Variants in MCF2 observed in about 807,000 individuals in gnomAD.
MCF2 encodes the protein proto-oncogene DBL.
In MCF2, 44 loss-of-function variants were observed where a neutral mutation model predicts 82.5. The ratio of observed to expected loss-of-function variants is 0.53; its 90% CI spans 0.42 to 0.69. MCF2 has a LOEUF of 0.69. Ranked by LOEUF, MCF2 falls within the 30% of genes least tolerant of loss-of-function variation. The pLI is 0.00. For synonymous variants in MCF2, 217 were observed against 224.9 expected, an observed-to-expected ratio of 0.96 and a Z score of 0.32; for missense variants, 623 against 663.1, an observed-to-expected ratio of 0.94 and a Z score of 0.66.
At chrX:139,686,070 T>TAAA (rs3058305) in intron 1 of MCF2, among the ~76,000 whole-genome samples, 1 of 99,908 alleles carries the variant, frequency 1.0e-5, no homozygotes, top group African/African-American at 3.7e-5. Context: ...CCCTTCACGT[T>TAAA]AAAAAAAAAA....
chrX:139,671,595 G>C (rs1271022471), intron 1 of MCF2, among the ~76,000 whole-genome samples: 6 of 111,289 alleles, frequency 5.4e-5, no homozygotes, highest in Non-Finnish European at 1.1e-4. Flanking sequence ...TCTTGTTTTT[G>C]TCAGGTTTGT....
chrX:139,701,790 T>G (rs757893281), intron 1 of MCF2, among the ~76,000 whole-genome samples: 1 of 112,824 alleles, frequency 8.9e-6, no homozygotes, highest in South Asian at 3.7e-4. Flanking sequence ...CATAAGATTC[T>G]ACATATACAT....
At chrX:139,618,622 A>G (rs1227745031) in intron 7 of MCF2, among the ~76,000 whole-genome samples, 1 of 111,428 alleles carries the variant, frequency 9.0e-6, no homozygotes, top group African/African-American at 3.3e-5. Flanking sequence ...ACAGATCTAC[A>G]AGCATAATTC....
intron 1 of MCF2, among the ~76,000 whole-genome samples, chrX:139,690,086 A>G (rs1935222046): frequency 8.9e-6 from 1 of 111,961 alleles, no homozygotes; most frequent in Non-Finnish European, 1.9e-5. Flanking sequence ...GCAAATGCTG[A>G]AAAGGTACAA....
intron 7 of MCF2, among the ~76,000 whole-genome samples, chrX:139,618,822 T>G (rs1398891032): frequency 2.7e-5 from 3 of 111,540 alleles, no homozygotes; most frequent in Admixed American, 1.9e-4. Context: ...AGTCCAAAAT[T>G]TAAGACTAGC....
At chrX:139,690,497 T>C (rs1050743912) in intron 1 of MCF2, among the ~76,000 whole-genome samples, 5 of 110,257 alleles carry the variant, frequency 4.5e-5, no homozygotes, top group Admixed American at 2.9e-4. Context: ...CCGGAACTAG[T>C]TTGTGCCCCA....
At chrX:139,586,329 A>G in intron 23 of MCF2, 49 bp downstream of exon 27, 1 of 947,284 alleles carries the variant, frequency 1.1e-6, no homozygotes, top group South Asian at 2.0e-5. Context: ...ATACGAGGTA[A>G]AAATTTGCAC....
intron 16 of MCF2, among the ~76,000 whole-genome samples, chrX:139,598,952 C>T (rs1489460400): frequency 9.1e-6 from 1 of 110,298 alleles, no homozygotes; most frequent in African/African-American, 3.3e-5. Flanking sequence ...CAAGAAAAAG[C>T]CATCATCAAC....
chrX:139,648,733 G>T (rs1490942841), intron 2 of MCF2, among the ~76,000 whole-genome samples: 1 of 112,150 alleles, frequency 8.9e-6, no homozygotes, highest in African/African-American at 3.2e-5. Flanking sequence ...TACCATGACA[G>T]TGCTAATCAA....
Position 139,662,255 on chromosome X carries a change from T to C in MCF2, c.-44-10467A>G, listed in dbSNP as rs185844083. Among the ~76,000 whole-genome samples the C allele has an allele frequency of 4.5e-5, 5 of 110,466 alleles. No homozygotes were observed. In the East Asian group the frequency reaches 1.4e-3, roughly 31 times the overall value. ...CAATCCATGTTCATATCTTGGAATATAATACTATTGAAGTAGCAATACTCC... is the reference window on the plus strand; with the variant it reads ...CAATCCATGTTCATATCTTGGAATACAATACTATTGAAGTAGCAATACTCC... On this transcript the variant is annotated intron_variant, in intron 1 of 27. Transcript: ENST00000414978.
chrX:139,697,877 C>T (rs935206095), intron 1 of MCF2, among the ~76,000 whole-genome samples: 1 of 112,397 alleles, frequency 8.9e-6, no homozygotes, highest in Admixed American at 9.4e-5. Context: ...CGGTGGCTCA[C>T]GCCTGTAATC....
At chrX:139,587,885 A>T in intron 21 of MCF2, 97 bp from the exon 26 acceptor site, 1 of 500,838 alleles carries the variant, frequency 2.0e-6, no homozygotes, top group Non-Finnish European at 3.4e-6. Flanking sequence ...ACACACACAC[A>T]CACACACGCA....
chrX:139,596,436 A>G (rs1930102305), intron 19 of MCF2, 113 bp downstream of exon 23: 1 of 521,846 alleles, frequency 1.9e-6, no homozygotes, highest in African/African-American at 2.4e-5. Context: ...TAAAAAAAAC[A>G]AAGATGTGCA....
At chrX:139,598,333 T>A (rs1302207161) in intron 17 of MCF2, 73 bp downstream of exon 21, 1 of 682,266 alleles carries the variant, frequency 1.5e-6, no homozygotes, top group African/African-American at 2.2e-5. Flanking sequence ...CCTAGTAAAC[T>A]ATTTCCTTTT....
chrX:139,663,779 A>G (rs1433233083), intron 1 of MCF2, among the ~76,000 whole-genome samples: 1 of 110,168 alleles, frequency 9.1e-6, no homozygotes, highest in Non-Finnish European at 1.9e-5. Flanking sequence ...ATGCCCCACT[A>G]TTATTGTATT....
At chrX:139,669,928 A>G (rs1292602788) in intron 1 of MCF2, among the ~76,000 whole-genome samples, 3 of 111,998 alleles carry the variant, frequency 2.7e-5, no homozygotes, top group African/African-American at 9.7e-5. Flanking sequence ...GCTAAAATAT[A>G]CAGGGTTTCT....
intron 1 of MCF2, among the ~76,000 whole-genome samples, chrX:139,675,612 G>T (rs1164219208): frequency 1.8e-5 from 2 of 112,390 alleles, no homozygotes; most frequent in African/African-American, 6.5e-5. Flanking sequence ...GACTCTGTTT[G>T]CCTGGGTATC....
intron 1 of MCF2, among the ~76,000 whole-genome samples, chrX:139,691,465 T>A (rs1935261111): frequency 8.9e-6 from 1 of 112,001 alleles, no homozygotes; most frequent in Non-Finnish European, 1.9e-5. Context: ...TGTGGGAAGA[T>A]ACACTCTATT....
chrX:139,593,562 A>T (rs935744073), intron 19 of MCF2, among the ~76,000 whole-genome samples: 7 of 110,949 alleles, frequency 6.3e-5, no homozygotes, highest in African/African-American at 2.3e-4. Flanking sequence ...CTGATACCAA[A>T]GCCGGGCAGA....
Sources: gnomAD v4.1 joint callset for allele counts (sites outside exome capture counted in the v4.1 genomes callset) on GRCh38, gnomAD v4.1.1 for gene constraint, MANE v1.5 for transcripts, NCBI Gene and HGNC (gene_info 2026-07-23, HGNC 2026-07-21) for gene names.